The following TSHZ2 variants were observed in gnomAD, a reference collection of about 807,000 sequenced individuals.
The protein encoded by TSHZ2 is teashirt zinc finger homeobox 2, also known as teashirt homolog 2.
A neutral mutation model predicts 74.4 loss-of-function variants in TSHZ2; 21 were observed. The observed-to-expected ratio is 0.28, with a 90% CI of 0.20 to 0.41. The LOEUF (loss-of-function observed/expected upper bound fraction) is 0.41. Ranked by LOEUF, TSHZ2 falls within the 10% of genes least tolerant of loss-of-function variation. TSHZ2 has a pLI of 1.00. For synonymous variants in TSHZ2, 540 were observed against 515.3 expected (o/e 1.05, Z -0.65); for missense variants, 1,244 against 1,293.5 (o/e 0.96, Z 0.59).
At chr20:53,272,303 C>T (rs1291095872) in intron 2 of TSHZ2, among the ~76,000 whole-genome samples, 7 of 152,274 alleles carry the variant, frequency 4.6e-5, no homozygotes, top group Middle Eastern at 3.4e-3. Flanking sequence ...AACCACCGTG[C>T]CCGGCCGAGA....
intron 2 of TSHZ2, among the ~76,000 whole-genome samples, chr20:53,427,933 G>A (rs1041881634): frequency 9.2e-5 from 14 of 152,186 alleles, no homozygotes; most frequent in Admixed American, 7.9e-4. Flanking sequence ...CATGGAGGGG[G>A]ACATGGGCGA....
chr20:53,321,105 A>G (rs559912883), intron 2 of TSHZ2, among the ~76,000 whole-genome samples: 30 of 152,196 alleles, frequency 2.0e-4, no homozygotes, highest in Non-Finnish European at 3.4e-4. Context: ...ACAATACACC[A>G]TCACTCTAGG....
chr20:53,257,716 G>T (rs955540853), intron 2 of TSHZ2, among the ~76,000 whole-genome samples: 4 of 152,210 alleles, frequency 2.6e-5, no homozygotes, highest in Non-Finnish European at 4.4e-5. Flanking sequence ...CATTCCCCAA[G>T]ATGGGAACCC....
chr20:52,981,223 C>A (rs1490439103), intron 1 of TSHZ2, among the ~76,000 whole-genome samples: 1 of 152,150 alleles, frequency 6.6e-6, no homozygotes, highest in Non-Finnish European at 1.5e-5. Flanking sequence ...CAGCCTTGCC[C>A]CACGCTAGTT....
At chr20:52,988,369 T>C (rs987227003) in intron 1 of TSHZ2, among the ~76,000 whole-genome samples, 6 of 152,132 alleles carry the variant, frequency 3.9e-5, no homozygotes, top group Admixed American at 3.9e-4. Flanking sequence ...GGAGCTTGAC[T>C]AAGATGATGA....
At chr20:53,454,767 T>G (rs909163416) in intron 2 of TSHZ2, among the ~76,000 whole-genome samples, 5 of 152,068 alleles carry the variant, frequency 3.3e-5, no homozygotes, top group African/African-American at 1.2e-4. Flanking sequence ...AACATAGAAA[T>G]TGACTCTCCC....
chr20:53,090,025 G>A (rs1300692992), intron 1 of TSHZ2, among the ~76,000 whole-genome samples: 6 of 152,246 alleles, frequency 3.9e-5, no homozygotes, highest in Non-Finnish European at 7.3e-5. Context: ...GAAGCTGACA[G>A]TGCAGTCTTC....
At chr20:53,417,691 A>G (rs1983320788) in intron 2 of TSHZ2, among the ~76,000 whole-genome samples, 2 of 152,104 alleles carry the variant, frequency 1.3e-5, no homozygotes, top group Admixed American at 1.3e-4. Context: ...CTATCAGAAA[A>G]TTTCTGATGT....
chr20:53,153,829 GGCTA>G (rs1987730769), intron 1 of TSHZ2, among the ~76,000 whole-genome samples: 1 of 152,134 alleles, frequency 6.6e-6, no homozygotes, highest in Admixed American at 6.5e-5. Flanking sequence ...CAATAATTTT[GGCTA>G]GACTCAGCTG....
chr20:53,106,391 C>CTTTGTTTTTTTTTT (rs1986366736), intron 1 of TSHZ2, among the ~76,000 whole-genome samples: 1 of 58,938 alleles, frequency 1.7e-5, no homozygotes, highest in African/African-American at 7.0e-5. Context: ...CTCACACTTT[C>CTTTGTTTTTTTTTT]TTTTTTTTTT....
At chr20:53,345,988 A>T (rs1308630732) in intron 2 of TSHZ2, among the ~76,000 whole-genome samples, 1 of 152,082 alleles carries the variant, frequency 6.6e-6, no homozygotes, top group Non-Finnish European at 1.5e-5. Context: ...TGCACAAATG[A>T]GAAGAGCCAG....
intron 1 of TSHZ2, among the ~76,000 whole-genome samples, chr20:53,091,598 C>G (rs1332278746): frequency 6.6e-6 from 1 of 152,174 alleles, no homozygotes; most frequent in Non-Finnish European, 1.5e-5. Flanking sequence ...CATTTATTCC[C>G]TTACCTTAGA....
At chr20:53,370,415 G>A (rs1352493625) in intron 2 of TSHZ2, among the ~76,000 whole-genome samples, 3 of 152,066 alleles carry the variant, frequency 2.0e-5, no homozygotes, top group Non-Finnish European at 2.9e-5. Flanking sequence ...CAGAAATCAT[G>A]GTTTTTATGT....
intron 1 of TSHZ2, among the ~76,000 whole-genome samples, chr20:53,057,502 T>C (rs1479576385): frequency 6.6e-6 from 1 of 152,208 alleles, no homozygotes; most frequent in East Asian, 1.9e-4. Flanking sequence ...TGTATGTTTT[T>C]TTTTCTTTTA....
chr20:53,434,783 T>C (rs1439170195), intron 2 of TSHZ2, among the ~76,000 whole-genome samples: 1 of 152,252 alleles, frequency 6.6e-6, no homozygotes, highest in Non-Finnish European at 1.5e-5. Flanking sequence ...CTGACAGTCC[T>C]GTGACCATCT....
At chr20:53,433,767 G>A (rs894584658) in intron 2 of TSHZ2, among the ~76,000 whole-genome samples, 1 of 152,136 alleles carries the variant, frequency 6.6e-6, no homozygotes, top group African/African-American at 2.4e-5. Context: ...CCTGTAACCA[G>A]CAATTGACTG....
At chr20:53,163,309 G>T (rs1458410350) in intron 1 of TSHZ2, among the ~76,000 whole-genome samples, 1 of 141,946 alleles carries the variant, frequency 7.0e-6, no homozygotes, top group Non-Finnish European at 1.5e-5. Flanking sequence ...CCAAGATTAG[G>T]TTATAAAAAG....
At chr20:53,128,027 T>C (rs80070724) in intron 1 of TSHZ2, among the ~76,000 whole-genome samples, 6 of 151,918 alleles carry the variant, frequency 3.9e-5, no homozygotes, top group African/African-American at 1.5e-4. Flanking sequence ...GTGGCTGTTT[T>C]TGGCTGGTCA....
intron 2 of TSHZ2, among the ~76,000 whole-genome samples, chr20:53,393,289 C>T (rs1340751820): frequency 8.5e-5 from 13 of 152,124 alleles, no homozygotes; most frequent in South Asian, 4.2e-4. Context: ...TGCATTAATC[C>T]GCTTAGTATA....
Sources: allele counts gnomAD v4.1 joint callset (sites outside exome capture counted in the v4.1 genomes callset), GRCh38; gene constraint gnomAD v4.1.1; transcripts MANE v1.5; gene names NCBI Gene and HGNC (gene_info 2026-07-23, HGNC 2026-07-21).